Variants in RFX6 observed in about 807,000 individuals in gnomAD.
RFX6 encodes the protein DNA-binding protein RFX6.
RFX6 carries 50 observed loss-of-function variants against 110.8 expected under a neutral mutation model. That is an observed-to-expected ratio of 0.45 (90% CI 0.36 to 0.57). RFX6 has a LOEUF of 0.57. Among genes scored for constraint, RFX6 ranks in the 20% least tolerant of loss-of-function variants. The pLI is 0.00. For synonymous variants in RFX6, 383 were observed against 411.2 expected (o/e 0.93, Z 0.83); for missense variants, 990 against 1,127.0 (o/e 0.88, Z 1.74).
Position 116,928,959 on chromosome 6 carries a change from A to T in RFX6, c.2599A>T (p.Thr867Ser), listed in dbSNP as rs774712989. The T allele has an allele frequency of 8.1e-6, 13 of 1,603,982 alleles. No homozygotes were observed. Among genetic ancestry groups the T allele is most frequent in the Non-Finnish European group, 1.1e-5 (13 of 1,170,750 alleles). Residue 867 changes from threonine to serine, a missense_variant, in exon 18 of 19, where the codon ACT becomes TCT. By Grantham distance (58) the Thr-to-Ser change is moderately conservative. Transcript: ENST00000332958. ...TDTSSPVACR[T>S]PVLASSLQTP... ...CACATCATCTCCAGTTGCATGTCGA[A>T]CTCCAGTCCTAGGTAAATTATTTTA...
chr6:116,921,798 G>A (rs939666572), intron 12 of RFX6, among the ~76,000 whole-genome samples: 1 of 151,918 alleles, frequency 6.6e-6, no homozygotes, highest in Admixed American at 6.6e-5. Context: ...ACTCCAGCCT[G>A]GGCAACAAAG....
intron 6 of RFX6, among the ~76,000 whole-genome samples, chr6:116,904,476 A>C (rs1408454400): frequency 6.6e-6 from 1 of 152,100 alleles, no homozygotes; most frequent in African/African-American, 2.4e-5. Flanking sequence ...CATTTATTTC[A>C]TTTGTAATTG....
rs753499358 is a variant in RFX6, at chr6:116,918,078, G to A, written c.1014G>A (p.Met338Ile). ...TCATTCCTGCAACAATGCAAGAAAT[G>A]CCTGAAAGGTATGTTCAGTTAATAA... Reference protein sequence around the residue: ...DVLIPATMQEMPESLLADIRN... With the variant: ...DVLIPATMQEIPESLLADIRN... The change falls in exon 10 of 19, where the codon ATG (methionine) becomes ATA (isoleucine). Residue 338 changes from methionine (M) to isoleucine (I), a missense_variant. Physicochemically the swap from Met to Ile is conservative, Grantham distance 10. Around this residue, in one of 5 missense-constraint regions of RFX6, gnomAD observed 243 missense variants for 353.1 expected, o/e 0.69. Transcript: ENST00000332958. 3 of 1,606,030 alleles carry A rather than the reference G, an allele frequency of 1.9e-6. No homozygotes were observed. The highest frequency in any genetic ancestry group is 1.7e-6 in the Non-Finnish European group (2 of 1,174,048).
chr6:116,893,091 C>A (rs972303326), intron 4 of RFX6, among the ~76,000 whole-genome samples: 2 of 151,996 alleles, frequency 1.3e-5, no homozygotes, highest in South Asian at 2.1e-4. Context: ...TTTTACATTT[C>A]TTTCCTGATC....
At chr6:116,878,427 CAT>C (rs1774514259) in intron 2 of RFX6, among the ~76,000 whole-genome samples, 1 of 151,950 alleles carries the variant, frequency 6.6e-6, no homozygotes, top group African/African-American at 2.4e-5. Context: ...AGGTAGAAGA[CAT>C]AGAAAAAATC....
intron 7 of RFX6, among the ~76,000 whole-genome samples, chr6:116,915,325 A>G (rs1775439065): frequency 6.6e-6 from 1 of 152,178 alleles, no homozygotes; most frequent in Admixed American, 6.6e-5. Context: ...ACTCTGGATA[A>G]TGTTTAGTAA....
At chr6:116,908,353 T>C (rs573387045) in intron 6 of RFX6, among the ~76,000 whole-genome samples, 19 of 152,232 alleles carry the variant, frequency 1.2e-4, no homozygotes, top group Admixed American at 1.0e-3. Flanking sequence ...TTCAGCAACT[T>C]TGCTAAAAAA....
At chr6:116,887,509 C>T (rs183474748) in intron 4 of RFX6, among the ~76,000 whole-genome samples, 1 of 152,252 alleles carries the variant, frequency 6.6e-6, no homozygotes, top group Non-Finnish European at 1.5e-5. Flanking sequence ...AGTTTTACTA[C>T]CAATTCCAAA....
Position 116,924,655 on chromosome 6 carries a change from C to CATCCATA in RFX6, c.1556-12_1556-6dup. ...TTCACACTGTCCTCTCCTCATTCTC[C>CATCCATA]ATCCATAAACAAGGTTCTTTTCATT... On this transcript the variant is annotated splice_polypyrimidine_tract_variant and intron_variant, in intron 14 of 18. Transcript: ENST00000332958. The CATCCATA allele has an allele frequency of 6.2e-7, 1 of 1,607,336 alleles. No homozygotes were observed. The highest frequency in any genetic ancestry group is 8.5e-7 in the Non-Finnish European group (1 of 1,174,096).
At chr6:116,924,992 T>C (rs923742562) in intron 15 of RFX6, among the ~76,000 whole-genome samples, 1 of 152,218 alleles carries the variant, frequency 6.6e-6, no homozygotes, top group Non-Finnish European at 1.5e-5. Context: ...AAAAGTACTT[T>C]ACTGGAAACT....
chr6:116,928,625 GCATGTATAGATACACATGTAATACTTA>G, intron 17 of RFX6, 107 bp from the exon 18 acceptor site: 1 of 709,516 alleles, frequency 1.4e-6, no homozygotes, highest in Non-Finnish European at 2.6e-6. Flanking sequence ...CAGTTCTGTA[GCATGTATAGATACACATGTAATACTTA>G]CAGTTTGATA....
In RFX6 at chr6:116,914,595, T is replaced by C. The variant is rs150149838; in HGVS notation, c.781-1413T>C. Among the ~76,000 whole-genome samples the C allele has an allele frequency of 1.1e-3, 168 of 152,324 alleles. 1 individual carries two copies. The highest frequency in any genetic ancestry group is 3.8e-3 in the African/African-American group (160 of 41,582). On this transcript the variant is annotated intron_variant, in intron 7 of 18. Coordinates refer to ENST00000332958, the MANE Select transcript of RFX6 (RefSeq NM_173560.4). Reference sequence around the variant, plus strand: ...TCTCATTTGCATTGATGGTAACATATCCTGCTAGAGGTATTCTATAGTCAG... The same window carrying C: ...TCTCATTTGCATTGATGGTAACATACCCTGCTAGAGGTATTCTATAGTCAG...
At chr6:116,900,286 T>C (rs1438400659) in intron 6 of RFX6, among the ~76,000 whole-genome samples, 1 of 152,144 alleles carries the variant, frequency 6.6e-6, no homozygotes, top group Non-Finnish European at 1.5e-5. Context: ...GATGGAGTCT[T>C]GCTCTGTCAC....
rs541503358 is a variant in RFX6, at chr6:116,879,408, C to G, written c.381-1136C>G. On this transcript the variant is annotated intron_variant, in intron 2 of 18. Coordinates refer to ENST00000332958, the MANE Select transcript of RFX6 (RefSeq NM_173560.4). The stretch of plus-strand genomic sequence containing the variant: ...AAGCTGGCTGATTAATTCCAGTTTT[C>G]ACTATCAACTAGTATGTCAACTGAT... Among the ~76,000 whole-genome samples the G allele has an allele frequency of 5.9e-5, 9 of 151,932 alleles. No homozygotes were observed. The East Asian group carries it at 1.7e-3, about 29-fold the overall frequency.
intron 4 of RFX6, among the ~76,000 whole-genome samples, chr6:116,891,439 G>A (rs942982865): frequency 3.3e-5 from 5 of 152,150 alleles, no homozygotes; most frequent in African/African-American, 1.2e-4. Flanking sequence ...TTAAGCCAAC[G>A]TTTAACATGT....
chr6:116,913,134 C>T (rs2114690474), intron 7 of RFX6, among the ~76,000 whole-genome samples: 1 of 152,218 alleles, frequency 6.6e-6, no homozygotes, highest in Admixed American at 6.5e-5. Flanking sequence ...GGCGCCATCT[C>T]GGCTCACGGC....
At chr6:116,914,060 A>G (rs1333378453) in intron 7 of RFX6, among the ~76,000 whole-genome samples, 1 of 152,126 alleles carries the variant, frequency 6.6e-6, no homozygotes, top group Non-Finnish European at 1.5e-5. Flanking sequence ...GTACCCATTA[A>G]TCAACTTCTC....
intron 6 of RFX6, among the ~76,000 whole-genome samples, chr6:116,904,001 A>C (rs1775140069): frequency 6.6e-6 from 1 of 152,016 alleles, no homozygotes; most frequent in Non-Finnish European, 1.5e-5. Flanking sequence ...GGTTGTATCA[A>C]CTTCTGTCTC....
At chr6:116,924,829 T>C (rs1198476084) in intron 15 of RFX6, 38 bp downstream of exon 15, 1 of 1,434,936 alleles carries the variant, frequency 7.0e-7, no homozygotes, top group Admixed American at 1.7e-5. Flanking sequence ...CATATTTCTT[T>C]GTTTTAATCT....
Sources: gnomAD v4.1 joint callset for allele counts (sites outside exome capture counted in the v4.1 genomes callset) on GRCh38, gnomAD v4.1.1 for gene constraint, gnomAD v4.1.1 regional missense constraint, MANE v1.5 for transcripts, NCBI Gene and HGNC (gene_info 2026-07-23, HGNC 2026-07-21) for gene names.